The following EIF4G3 variants were observed in gnomAD, a reference collection of about 807,000 sequenced individuals.
The protein encoded by EIF4G3 is eukaryotic translation initiation factor 4 gamma 3.
A neutral mutation model predicts 186.4 loss-of-function variants in EIF4G3; 34 were observed. That is an observed-to-expected ratio of 0.18 (90% CI 0.14 to 0.24). The LOEUF (loss-of-function observed/expected upper bound fraction) is 0.24, where lower values mean the gene tolerates loss of function less well. Among genes scored for constraint, EIF4G3 ranks in the 10% least tolerant of loss-of-function variants. EIF4G3 has a pLI of 1.00. For missense variants in EIF4G3, 1,536 were observed against 1,948.5 expected (o/e 0.79, Z 3.99); for synonymous variants, 673 against 679.5 (o/e 0.99, Z 0.15).
At chr1:20,930,336 T>C (rs2095246717) in intron 14 of EIF4G3, among the ~76,000 whole-genome samples, 1 of 152,220 alleles carries the variant, frequency 6.6e-6, no homozygotes. Context: ...TACTATTTGA[T>C]AGCATTTTAC....
At chr1:20,890,664 C>CA (rs1376004062) in intron 18 of EIF4G3, among the ~76,000 whole-genome samples, 1 of 152,168 alleles carries the variant, frequency 6.6e-6, no homozygotes, top group Non-Finnish European at 1.5e-5. Flanking sequence ...CCATGTTGCC[C>CA]AGGCTGGTCT....
At chr1:21,154,456 G>A (rs2097602590) in intron 2 of EIF4G3, among the ~76,000 whole-genome samples, 2 of 152,174 alleles carry the variant, frequency 1.3e-5, no homozygotes, top group African/African-American at 4.8e-5. Flanking sequence ...CTATTTTTCT[G>A]GTTTTGAGTA....
chr1:20,967,041 G>A (rs548201549), intron 12 of EIF4G3, among the ~76,000 whole-genome samples: 30 of 150,948 alleles, frequency 2.0e-4, no homozygotes, highest in African/African-American at 6.1e-4. Flanking sequence ...GTGTAGATTC[G>A]ATGTGCTTTA....
chr1:20,955,765 G>A (rs974032376), intron 12 of EIF4G3, among the ~76,000 whole-genome samples: 3 of 152,046 alleles, frequency 2.0e-5, no homozygotes, highest in Non-Finnish European at 4.4e-5. Context: ...TGAGGAGAGA[G>A]GGGTAAAAAG....
intron 24 of EIF4G3, among the ~76,000 whole-genome samples, chr1:20,858,331 C>T (rs1455351817): frequency 3.3e-5 from 5 of 152,206 alleles, no homozygotes; most frequent in Non-Finnish European, 7.3e-5. Flanking sequence ...GGTTCAGCTG[C>T]ACTGGCCCCC....
At chr1:21,106,202 C>A (rs962281023) in intron 2 of EIF4G3, among the ~76,000 whole-genome samples, 1 of 151,166 alleles carries the variant, frequency 6.6e-6, no homozygotes, top group Non-Finnish European at 1.5e-5. Context: ...TTTTAACAGG[C>A]GACAATGGGA....
At chr1:20,884,565 GAGA>G (rs1356380541) in intron 19 of EIF4G3, among the ~76,000 whole-genome samples, 1 of 152,168 alleles carries the variant, frequency 6.6e-6, no homozygotes, top group Non-Finnish European at 1.5e-5. Flanking sequence ...GGAGATTGGA[GAGA>G]AGGACAAAAA....
At chr1:21,075,070 AAAT>A (rs1189608101) in intron 3 of EIF4G3, among the ~76,000 whole-genome samples, 2 of 152,204 alleles carry the variant, frequency 1.3e-5, no homozygotes, top group African/African-American at 4.8e-5. Flanking sequence ...CAACAAACTG[AAAT>A]AATAAACAAG....
At chr1:21,164,966 TAA>T (rs537662143) in intron 2 of EIF4G3, among the ~76,000 whole-genome samples, 83 of 152,122 alleles carry the variant, frequency 5.5e-4, no homozygotes, top group African/African-American at 1.9e-3. Flanking sequence ...AACTCAACAA[TAA>T]AAAGACATAT....
intron 2 of EIF4G3, among the ~76,000 whole-genome samples, chr1:21,110,452 G>A (rs1261178055): frequency 3.9e-5 from 6 of 151,968 alleles, no homozygotes; most frequent in South Asian, 2.1e-4. Flanking sequence ...ACATCGCCAC[G>A]CCCAGCTAAT....
At chr1:20,916,477 C>CA (rs1362558663) in intron 14 of EIF4G3, among the ~76,000 whole-genome samples, 3 of 150,658 alleles carry the variant, frequency 2.0e-5, no homozygotes, top group Non-Finnish European at 3.0e-5. Context: ...AAACAAAAAA[C>CA]AAAAGCAAAA....
intron 12 of EIF4G3, among the ~76,000 whole-genome samples, chr1:20,963,458 A>G (rs899568049): frequency 5.4e-5 from 6 of 110,200 alleles, no homozygotes; most frequent in African/African-American, 1.7e-4. Flanking sequence ...TAACCTGCTG[A>G]CTTTAGTAAT....
chr1:21,153,524 C>T (rs952737431), intron 2 of EIF4G3, among the ~76,000 whole-genome samples: 5 of 152,114 alleles, frequency 3.3e-5, no homozygotes, highest in African/African-American at 9.7e-5. Flanking sequence ...GAAGATGAGT[C>T]AGCAGGTACA....
At chr1:20,823,925 A>G (rs1264941933) in intron 33 of EIF4G3, among the ~76,000 whole-genome samples, 1 of 152,194 alleles carries the variant, frequency 6.6e-6, no homozygotes, top group African/African-American at 2.4e-5. Flanking sequence ...AAATAAGGGG[A>G]CCTAAGTTGA....
intron 30 of EIF4G3, among the ~76,000 whole-genome samples, chr1:20,831,278 A>AAT (rs1553194519): frequency 0.43 from 61,248 of 142,860 alleles, 13,400 homozygotes; most frequent in Middle Eastern, 0.52. Flanking sequence ...AAAAATATTA[A>AAT]TTTTTTTTTT....
intron 2 of EIF4G3, among the ~76,000 whole-genome samples, chr1:21,156,474 C>A (rs1053209687): frequency 1.3e-5 from 2 of 152,178 alleles, no homozygotes; most frequent in Non-Finnish European, 2.9e-5. Context: ...CTTCAGTTAT[C>A]TCCATTTGTT....
intron 2 of EIF4G3, among the ~76,000 whole-genome samples, chr1:21,152,775 G>A (rs2097573579): frequency 6.6e-6 from 1 of 152,104 alleles, no homozygotes; most frequent in Non-Finnish European, 1.5e-5. Flanking sequence ...ATGCATAATG[G>A]TATAATCTTC....
At chr1:21,030,787 G>A (rs2092668022) in intron 4 of EIF4G3, among the ~76,000 whole-genome samples, 1 of 152,222 alleles carries the variant, frequency 6.6e-6, no homozygotes, top group South Asian at 2.1e-4. Flanking sequence ...AGCCACAGTG[G>A]CTCTAATAGC....
intron 13 of EIF4G3, among the ~76,000 whole-genome samples, chr1:20,948,504 T>C (rs984404433): frequency 1.3e-5 from 2 of 152,134 alleles, no homozygotes; most frequent in Non-Finnish European, 2.9e-5. Flanking sequence ...TTCAAGAGTA[T>C]CAGGCTTCTC....
Sources: gnomAD v4.1 joint callset for allele counts (sites outside exome capture counted in the v4.1 genomes callset) on GRCh38, gnomAD v4.1.1 for gene constraint, MANE v1.5 for transcripts, NCBI Gene and HGNC (gene_info 2026-07-23, HGNC 2026-07-21) for gene names.